ZDHHC14: variants seen among roughly 807,000 people sequenced by gnomAD.
The protein encoded by ZDHHC14 is palmitoyltransferase ZDHHC14.
Under a neutral mutation model 47.7 loss-of-function variants are expected in ZDHHC14, and 16 were observed. The ratio of observed to expected loss-of-function variants is 0.34; its 90% confidence interval spans 0.23 to 0.51. ZDHHC14 has a LOEUF of 0.51. Ranked by LOEUF, ZDHHC14 falls within the 20% of genes least tolerant of loss-of-function variation. The pLI, the probability that ZDHHC14 is intolerant of heterozygous loss-of-function variation, is 0.97. For missense variants in ZDHHC14, 515 were observed against 662.5 expected, an observed-to-expected ratio of 0.78 and a Z score of 2.44; for synonymous variants, 293 against 278.9, an observed-to-expected ratio of 1.05 and a Z score of -0.50.
chr6:157,497,140 G>A (rs1780087782), intron 1 of ZDHHC14, among the ~76,000 whole-genome samples: 1 of 152,320 alleles, frequency 6.6e-6, no homozygotes, highest in South Asian at 2.1e-4. Context: ...ATTTGGAAGA[G>A]CAAAGCTCTT....
intron 1 of ZDHHC14, among the ~76,000 whole-genome samples, chr6:157,450,262 C>T (rs1390820840): frequency 6.6e-6 from 1 of 151,926 alleles, no homozygotes; most frequent in African/African-American, 2.4e-5. Context: ...CACACGGTAA[C>T]ACCTTGGGTA....
Position 157,463,486 on chromosome 6 carries a change from GCTCT to G in ZDHHC14, c.246-79096_246-79093del, listed in dbSNP as rs1212329876. Among the ~76,000 whole-genome samples, 7 of 152,150 alleles carry G rather than the reference GCTCT, an allele frequency of 4.6e-5. No homozygotes were observed. Among genetic ancestry groups the G allele is most frequent in the South Asian group, 4.2e-4 (2 of 4,814 alleles). ...ATTTGTATATCCATAGCAGTGCTGT[GCTCT>G]CTATCACCCCCAACTCTTCACCAGA... On this transcript the variant is annotated intron_variant, in intron 1 of 8. Transcript: ENST00000359775. The surrounding 1 kb of genome is among the most constrained non-coding windows in gnomAD (Gnocchi z 4.4).
chr6:157,449,285 TGAAGGTCA>T (rs1428132769), intron 1 of ZDHHC14, among the ~76,000 whole-genome samples: 1 of 152,220 alleles, frequency 6.6e-6, no homozygotes. Flanking sequence ...TAGGTTGACC[TGAAGGTCA>T]GGTAAAAAGA....
At chr6:157,396,614 A>C (rs1248680206) in intron 1 of ZDHHC14, among the ~76,000 whole-genome samples, 1 of 152,208 alleles carries the variant, frequency 6.6e-6, no homozygotes, top group Non-Finnish European at 1.5e-5. Context: ...GCGTGGTCCT[A>C]ACACACACAG....
intron 1 of ZDHHC14, among the ~76,000 whole-genome samples, chr6:157,411,752 TAAA>T (rs10719123): frequency 2.5e-4 from 35 of 139,462 alleles, no homozygotes; most frequent in Admixed American, 4.2e-4. Context: ...ATGTTCATGG[TAAA>T]AAAAAAAAAA....
At chr6:157,470,218 G>A (rs1172198097) in intron 1 of ZDHHC14, among the ~76,000 whole-genome samples, 1 of 152,214 alleles carries the variant, frequency 6.6e-6, no homozygotes, top group Non-Finnish European at 1.5e-5. Flanking sequence ...GGAAATAAGT[G>A]TTAAAATGCT....
At chr6:157,393,465 G>A (rs1205034287) in intron 1 of ZDHHC14, among the ~76,000 whole-genome samples, 3 of 152,324 alleles carry the variant, frequency 2.0e-5, no homozygotes, top group East Asian at 3.9e-4. Flanking sequence ...GTTTTCAGGC[G>A]TGGCTCATGA....
At chr6:157,456,146 G>A (rs867696214) in intron 1 of ZDHHC14, among the ~76,000 whole-genome samples, 1 of 152,176 alleles carries the variant, frequency 6.6e-6, no homozygotes, top group Non-Finnish European at 1.5e-5. Flanking sequence ...CGGGAGGGAA[G>A]CTCTTCCTGA....
chr6:157,395,036 C>A (rs904523187), intron 1 of ZDHHC14, among the ~76,000 whole-genome samples: 2 of 150,450 alleles, frequency 1.3e-5, no homozygotes, highest in Non-Finnish European at 3.0e-5. Flanking sequence ...ACTTGCTTGG[C>A]AGAAGCGGCC....
chr6:157,581,350 A>G (rs966342693), intron 2 of ZDHHC14, among the ~76,000 whole-genome samples: 5 of 151,682 alleles, frequency 3.3e-5, no homozygotes, highest in African/African-American at 1.2e-4. Flanking sequence ...TGTGTGGTCA[A>G]TTTAAGAGTA....
chr6:157,662,846 T>G (rs1449617130), intron 8 of ZDHHC14, among the ~76,000 whole-genome samples: 1 of 152,242 alleles, frequency 6.6e-6, no homozygotes, highest in African/African-American at 2.4e-5. Context: ...GGAAAAAAAT[T>G]ACAAGCTCTA....
At chr6:157,650,537 C>T (rs983805116) in intron 7 of ZDHHC14, among the ~76,000 whole-genome samples, 11 of 151,964 alleles carry the variant, frequency 7.2e-5, no homozygotes, top group African/African-American at 2.4e-4. Context: ...GCCGAGAACG[C>T]TTGATTTTTT....
chr6:157,515,781 A>G (rs545598861), intron 1 of ZDHHC14, among the ~76,000 whole-genome samples: 39 of 152,164 alleles, frequency 2.6e-4, no homozygotes, highest in Non-Finnish European at 5.4e-4. Context: ...TCATTTCTTT[A>G]GCCACAGATT....
intron 1 of ZDHHC14, among the ~76,000 whole-genome samples, chr6:157,537,988 C>T (rs1408769536): frequency 6.6e-6 from 1 of 152,188 alleles, no homozygotes; most frequent in African/African-American, 2.4e-5. Flanking sequence ...ACTACAGATG[C>T]TCTATGCTTT....
At chr6:157,411,577 T>C (rs1305498671) in intron 1 of ZDHHC14, among the ~76,000 whole-genome samples, 1 of 152,134 alleles carries the variant, frequency 6.6e-6, no homozygotes, top group African/African-American at 2.4e-5. Context: ...GCTGGTACTT[T>C]CTTACATAGA....
intron 1 of ZDHHC14, among the ~76,000 whole-genome samples, chr6:157,540,136 G>A (rs906469442): frequency 1.3e-5 from 2 of 152,174 alleles, no homozygotes; most frequent in African/African-American, 2.4e-5. Context: ...TTCTGGGATG[G>A]CTCTGAACAA....
chr6:157,416,226 C>G lies in ZDHHC14; in HGVS notation c.245+33960C>G, dbSNP rs1777969009. On this transcript the variant is annotated intron_variant, in intron 1 of 8. Coordinates refer to ENST00000359775, the MANE Select transcript of ZDHHC14 (RefSeq NM_024630.3). Reference sequence around the variant, plus strand: ...TAATGTGTAGTCCCCTAATTCATATCACTATCAGTAGCTAGAAAGATTGTA... The same window carrying G: ...TAATGTGTAGTCCCCTAATTCATATGACTATCAGTAGCTAGAAAGATTGTA... 1.3e-5 allele frequency among the ~76,000 whole-genome samples: 2 copies of G among 152,174 alleles called. 1 individual carries two copies. The highest frequency in any genetic ancestry group is 4.1e-4 in the South Asian group (2 of 4,834).
chr6:157,595,076 C>T (rs1238121137), intron 3 of ZDHHC14, among the ~76,000 whole-genome samples: 1 of 151,432 alleles, frequency 6.6e-6, no homozygotes, highest in Non-Finnish European at 1.5e-5. Context: ...TCTTACTGGG[C>T]ACTTCCTTCT....
intron 2 of ZDHHC14, among the ~76,000 whole-genome samples, chr6:157,567,637 C>T (rs1446795576): frequency 7.2e-5 from 11 of 151,956 alleles, no homozygotes; most frequent in South Asian, 2.1e-4. Flanking sequence ...GCCAACATGG[C>T]GAAACCCCAT....
Sources: allele counts gnomAD v4.1 joint callset (sites outside exome capture counted in the v4.1 genomes callset), GRCh38; gene constraint gnomAD v4.1.1; non-coding constraint Gnocchi (gnomAD v3.1); transcripts MANE v1.5; gene names NCBI Gene and HGNC (gene_info 2026-07-23, HGNC 2026-07-21).